The following SYBU variants were observed in gnomAD, a reference collection of about 807,000 sequenced individuals.
SYBU encodes the protein syntabulin.
SYBU carries 21 observed loss-of-function variants against 35.9 expected under a neutral mutation model. The ratio of observed to expected loss-of-function variants is 0.58; its 90% CI spans 0.41 to 0.84. The LOEUF is 0.84. SYBU is among the 40% of genes least tolerant of loss of function. The pLI is 0.00. For missense variants in SYBU, 768 were observed against 848.2 expected, an observed-to-expected ratio of 0.91 and a Z score of 1.17; for synonymous variants, 319 against 324.3, an observed-to-expected ratio of 0.98 and a Z score of 0.18.
At chr8:109,675,788 A>G (rs1817166247) in intron 1 of SYBU, among the ~76,000 whole-genome samples, 1 of 152,236 alleles carries the variant, frequency 6.6e-6, no homozygotes, top group Non-Finnish European at 1.5e-5. Context: ...AACTCATTTT[A>G]TGAGGTCAGC....
chr8:109,576,122 C>G, intron 6 of SYBU, 109 bp from the exon 7 acceptor site: 1 of 1,289,318 alleles, frequency 7.8e-7, no homozygotes, highest in Non-Finnish European at 1.0e-6. Flanking sequence ...GAGCCAAGAG[C>G]TCATACTCTT....
At chr8:109,671,688 G>C (rs1586986330) in intron 1 of SYBU, among the ~76,000 whole-genome samples, 2 of 152,016 alleles carry the variant, frequency 1.3e-5, no homozygotes, top group South Asian at 4.2e-4. Context: ...ATTTTGGTAG[G>C]GTTCATATCA....
At position 109,611,275 on chromosome 8, in the gene SYBU, C is replaced by T. The variant is rs556276725; in HGVS notation, c.427+7567G>A. 6.6e-5 allele frequency among the ~76,000 whole-genome samples: 10 copies of T among 152,226 alleles called. No individual in the cohort carries two copies. In the South Asian group the frequency reaches 1.9e-3, roughly 28 times the overall value. ...TGCATGCAATAAATCCCAGTAGACC[C>T]AGGATTTGGATGGCAATTACCTTTG... is the stretch of plus-strand genomic sequence containing the variant. On this transcript the variant is annotated intron_variant, in intron 3 of 6. Transcript: ENST00000276646.
chr8:109,586,343 A>C lies in SYBU; in HGVS notation c.428-181T>G, dbSNP rs1347886057. 4 of 581,332 alleles carry C rather than the reference A, an allele frequency of 6.9e-6. No individual in the cohort carries two copies. The East Asian group carries it at 1.1e-4, about 17-fold the overall frequency. 36.0% of individuals were successfully genotyped at this position (581,332 alleles called of 1,614,324 possible). On this transcript the variant is annotated intron_variant, in intron 3 of 6. Coordinates refer to ENST00000276646, the MANE Select transcript of SYBU (RefSeq NM_001099754.2). ...AGCAGTCAAGAGAAGGCCCAGTACAAGAACATCATTTCATAAACACAGCTA... is the reference window on the plus strand; with the variant it reads ...AGCAGTCAAGAGAAGGCCCAGTACACGAACATCATTTCATAAACACAGCTA...
Position 109,666,096 on chromosome 8 carries a change from C to A in SYBU, c.-129+14615G>T, listed in dbSNP as rs558423856. Among the ~76,000 whole-genome samples the A allele has an allele frequency of 5.9e-4, 90 of 152,126 alleles. 1 individual carries two copies. Among genetic ancestry groups the A allele is most frequent in the Non-Finnish European group, 1.8e-4 (12 of 68,020 alleles). On this transcript the variant is annotated intron_variant, in intron 1 of 5. Transcript: ENST00000408889. ...TGGCACATTCTGTAAATGGACGCTG[C>A]GGAAAATTGCTGCTTTCAGATGGAA...
At chr8:109,664,592 A>T (rs1320629284) in intron 1 of SYBU, among the ~76,000 whole-genome samples, 1 of 152,214 alleles carries the variant, frequency 6.6e-6, no homozygotes, top group Non-Finnish European at 1.5e-5. Flanking sequence ...ACACTTTGAG[A>T]AAAGCAGGTG....
At chr8:109,670,144 T>C (rs563225179) in intron 1 of SYBU, among the ~76,000 whole-genome samples, 1 of 152,184 alleles carries the variant, frequency 6.6e-6, no homozygotes, top group Non-Finnish European at 1.5e-5. Context: ...TTAGCTTCTG[T>C]TTTATTATTC....
upstream of SYBU, chr8:109,645,118 G>T (rs1191765099): frequency 6.5e-6 from 3 of 463,432 alleles, no homozygotes; most frequent in East Asian, 2.0e-4. Context: ...TTGATCTCAG[G>T]TTTGAAGTGG....
rs1034200674 is a variant in SYBU at position 109,691,334 on chromosome 8, C to A, written c.-59G>T. On this transcript the variant is annotated splice_region_variant and 5_prime_UTR_variant, in exon 1 of 8. Coordinates refer to the SYBU transcript ENST00000422135. This position sits in a 1 kb window ranked among gnomAD's most constrained non-coding sequence, Gnocchi z 4.7. ...ACCGCATAGGCGCCCCGGTCTTACCCTTTCTCGCCCAGAAGGGCCCCATCG... is the reference window on the plus strand; with the variant it reads ...ACCGCATAGGCGCCCCGGTCTTACCATTTCTCGCCCAGAAGGGCCCCATCG... 1.4e-6 allele frequency: 1 copy of A among 701,798 alleles called. No homozygotes were observed. Among genetic ancestry groups the A allele is most frequent in the South Asian group, 1.5e-5 (1 of 67,418 alleles). The allele number at this position is 701,798 out of a possible 1,614,324, so 43.5% of individuals were successfully genotyped here.
chr8:109,614,282 C>T (rs1488282670), intron 3 of SYBU, among the ~76,000 whole-genome samples: 1 of 152,182 alleles, frequency 6.6e-6, no homozygotes, highest in Non-Finnish European at 1.5e-5. Context: ...GGAAGTCAAG[C>T]CTTAAATGAG....
chr8:109,636,831 C>G (rs1814282854), intron 2 of SYBU, among the ~76,000 whole-genome samples: 1 of 152,158 alleles, frequency 6.6e-6, no homozygotes, highest in Non-Finnish European at 1.5e-5. Flanking sequence ...CAAGTTAAAC[C>G]TATTATGTAG....
At chr8:109,597,876 G>A (rs1274599746) in intron 3 of SYBU, among the ~76,000 whole-genome samples, 1 of 152,192 alleles carries the variant, frequency 6.6e-6, no homozygotes. Flanking sequence ...AATGTCTGTT[G>A]AGCGAGTCAG....
At chr8:109,602,632 C>T (rs1172991281) in intron 3 of SYBU, among the ~76,000 whole-genome samples, 2 of 152,018 alleles carry the variant, frequency 1.3e-5, no homozygotes, top group African/African-American at 4.8e-5. Context: ...CAGGTTTCAT[C>T]ATGTTGACCA....
chr8:109,634,216 TC>T (rs1264102168), intron 2 of SYBU, among the ~76,000 whole-genome samples: 1 of 152,154 alleles, frequency 6.6e-6, no homozygotes, highest in African/African-American at 2.4e-5. Flanking sequence ...CTTCTCAAAC[TC>T]CTACACAACC....
chr8:109,627,258 G>A (rs1364656717), intron 2 of SYBU, among the ~76,000 whole-genome samples: 1 of 152,068 alleles, frequency 6.6e-6, no homozygotes, highest in Non-Finnish European at 1.5e-5. Flanking sequence ...TTATTCATCT[G>A]TTCAACAAAT....
intron 4 of SYBU, 110 bp from the exon 5 acceptor site, chr8:109,580,112 C>A: frequency 9.8e-7 from 1 of 1,021,320 alleles, no homozygotes; most frequent in Non-Finnish European, 1.5e-6. Context: ...TTGAAAGGCG[C>A]AATACAATTA....
chr8:109,635,710 A>G (rs1814151121), intron 2 of SYBU, among the ~76,000 whole-genome samples: 1 of 152,142 alleles, frequency 6.6e-6, no homozygotes, highest in Non-Finnish European at 1.5e-5. Context: ...AATCTCACAC[A>G]TGTCATTTAT....
intron 3 of SYBU, among the ~76,000 whole-genome samples, chr8:109,594,832 C>T (rs1008998035): frequency 6.6e-6 from 1 of 152,192 alleles, no homozygotes; most frequent in Admixed American, 6.5e-5. Flanking sequence ...TTTCACCCTC[C>T]TCTCTCTTTC....
At chr8:109,576,129 T>C in intron 6 of SYBU, 116 bp from the exon 7 acceptor site, 1 of 1,246,150 alleles carries the variant, frequency 8.0e-7, no homozygotes, top group African/African-American at 1.5e-5. Flanking sequence ...GAGCTCATAC[T>C]CTTCCACTTG....
Sources: allele counts gnomAD v4.1 joint callset (sites outside exome capture counted in the v4.1 genomes callset), GRCh38; gene constraint gnomAD v4.1.1; non-coding constraint Gnocchi (gnomAD v3.1); transcripts MANE v1.5; gene names NCBI Gene and HGNC (gene_info 2026-07-23, HGNC 2026-07-21).